Variants in SLC25A43 observed in about 807,000 individuals in gnomAD.
The protein encoded by SLC25A43 is solute carrier family 25 member 43.
SLC25A43 carries 10 observed loss-of-function variants against 22.8 expected under a neutral mutation model. The observed-to-expected ratio is 0.44, with a 90% CI of 0.27 to 0.74. The LOEUF is 0.74. Among genes scored for constraint, SLC25A43 ranks in the 30% least tolerant of loss-of-function variants. The pLI is 0.17. For missense variants in SLC25A43, 233 were observed against 279.1 expected, an observed-to-expected ratio of 0.83 and a Z score of 1.18; for synonymous variants, 106 against 121.6, an observed-to-expected ratio of 0.87 and a Z score of 0.84.
chrX:119,430,235 CT>C (rs928270788), intron 3 of SLC25A43, among the ~76,000 whole-genome samples: 4 of 112,542 alleles, frequency 3.6e-5, no homozygotes, highest in African/African-American at 1.3e-4. Context: ...CTTCAGCATA[CT>C]TGTCTTTCTT....
chrX:119,410,471 C>T, intron 3 of SLC25A43, 109 bp downstream of exon 3: 1 of 833,879 alleles, frequency 1.2e-6, no homozygotes, highest in Admixed American at 2.7e-5. Context: ...TTCCAAGGAG[C>T]TTCTGACTGC....
intron 3 of SLC25A43, among the ~76,000 whole-genome samples, chrX:119,417,708 C>T (rs182541776): frequency 1.4e-3 from 148 of 107,792 alleles, no homozygotes; most frequent in Non-Finnish European, 2.4e-3. Context: ...TGGGAGCCTT[C>T]CAAATAATGC....
intron 1 of SLC25A43, 35 bp downstream of exon 1, chrX:119,399,713 C>T (rs1409967495): frequency 4.6e-5 from 29 of 630,434 alleles, no homozygotes; most frequent in Non-Finnish European, 5.4e-5. Context: ...ACCGGGAGAC[C>T]GGACGGGGGT....
Position 119,406,602 on chromosome X carries a change from C to T in SLC25A43, c.418C>T (p.Leu140=), listed in dbSNP as rs1201156241. Residue 140 remains leucine (L), a synonymous_variant, in exon 2 of 5, where the codon CTG becomes TTG. Transcript: ENST00000217909. ...IKTRLIMQNI[L]EPSYRGLLHA... ...AACCCGGTTGATCATGCAGAACATA[C>T]TGGAACCATCGTACAGGGGGCTCCT... 1 of 1,211,932 alleles carries T rather than the reference C, an allele frequency of 8.3e-7. No homozygotes were observed. Among genetic ancestry groups the T allele is most frequent in the Non-Finnish European group, 1.1e-6 (1 of 895,497 alleles).
chrX:119,447,638 C>T (rs1026402770), intron 3 of SLC25A43, among the ~76,000 whole-genome samples: 1 of 111,063 alleles, frequency 9.0e-6, no homozygotes, highest in Admixed American at 9.6e-5. Context: ...AACCAGTGAC[C>T]TCCATGTGTT....
At chrX:119,452,498 A>AC (rs1380701473) in intron 4 of SLC25A43, among the ~76,000 whole-genome samples, 19 of 110,909 alleles carry the variant, frequency 1.7e-4, no homozygotes, top group Non-Finnish European at 3.6e-4. Flanking sequence ...ATGACAAAAA[A>AC]AAAAAAAAAC....
intron 1 of SLC25A43, among the ~76,000 whole-genome samples, chrX:119,402,620 T>A (rs2052248808): frequency 8.9e-6 from 1 of 111,887 alleles, no homozygotes; most frequent in South Asian, 3.7e-4. Context: ...TAATTACACA[T>A]ATCCAGGGTG....
intron 3 of SLC25A43, among the ~76,000 whole-genome samples, chrX:119,446,683 C>T (rs187071213): frequency 2.7e-5 from 3 of 112,360 alleles, no homozygotes; most frequent in African/African-American, 9.7e-5. Flanking sequence ...ATAACTCATG[C>T]ATAAAATTAT....
chrX:119,448,735 C>T (rs750488417), intron 3 of SLC25A43, among the ~76,000 whole-genome samples: 1 of 111,986 alleles, frequency 8.9e-6, no homozygotes, highest in South Asian at 3.7e-4. Context: ...GAGCACTCAC[C>T]TCCTCTTAGT....
Position 119,421,265 on chromosome X carries a change from T to C in SLC25A43, c.690+10903T>C, listed in dbSNP as rs745307858. 9.9e-5 allele frequency among the ~76,000 whole-genome samples: 11 copies of C among 111,654 alleles called. No individual in the cohort carries two copies. The South Asian group carries it at 3.8e-3, about 38-fold the overall frequency. On this transcript the variant is annotated intron_variant, in intron 3 of 4. Transcript: ENST00000217909. The stretch of plus-strand genomic sequence containing the variant: ...GACAGAAAGGAAGAAAGAGAGCCAG[T>C]AGAGGCTGTGGCCAGTTCCTCCTCT...
intron 3 of SLC25A43, among the ~76,000 whole-genome samples, chrX:119,427,812 G>T (rs763311859): frequency 8.9e-6 from 1 of 111,962 alleles, no homozygotes; most frequent in South Asian, 3.7e-4. Flanking sequence ...GCTCCAGCTC[G>T]AAGACTCTTT....
chrX:119,414,476 C>T (rs1304512649), intron 3 of SLC25A43, among the ~76,000 whole-genome samples: 1 of 110,865 alleles, frequency 9.0e-6, no homozygotes, highest in Non-Finnish European at 1.9e-5. Context: ...TTTCTCCTGC[C>T]TCAGCCTCCC....
intron 3 of SLC25A43, chrX:119,434,539 C>G (rs1389810401): frequency 9.3e-6 from 1 of 107,889 alleles, no homozygotes; most frequent in African/African-American, 3.4e-5. Flanking sequence ...GTGGTGCATG[C>G]CTGTGGTCCC....
chrX:119,433,978 C>T (rs139494644), intron 3 of SLC25A43, among the ~76,000 whole-genome samples: 1,250 of 111,822 alleles, frequency 0.011, 8 homozygotes, highest in Admixed American at 0.023. Flanking sequence ...CTGATTAAAT[C>T]GCTCTGACTG....
chrX:119,412,699 T>C (rs2052361190), intron 3 of SLC25A43, among the ~76,000 whole-genome samples: 1 of 112,416 alleles, frequency 8.9e-6, no homozygotes, highest in Admixed American at 9.4e-5. Flanking sequence ...TAGTGCTATT[T>C]ATGTGTTGTT....
intron 3 of SLC25A43, among the ~76,000 whole-genome samples, chrX:119,420,720 G>A (rs1285947099): frequency 8.9e-6 from 1 of 111,915 alleles, no homozygotes; most frequent in Non-Finnish European, 1.9e-5. Flanking sequence ...CTTTATATAA[G>A]AAGTTACAAA....
In SLC25A43 at chrX:119,399,691, C is replaced by A; in HGVS notation, c.275+13C>A. The A allele has an allele frequency of 1.4e-6, 1 of 719,467 alleles. No homozygotes were observed. 59.3% of individuals were successfully genotyped at this position (719,467 alleles called of 1,213,427 possible). ...CCGCCTACCGCAAGTAAGAGCCGGG[C>A]GGGGCCGGGGAACCGGGAGACCGGA... On this transcript the variant is annotated intron_variant, in intron 1 of 4. Transcript: ENST00000217909.
chrX:119,399,675 G>T lies in SLC25A43; in HGVS notation c.272G>T (p.Arg91Leu). 3 of 980,611 alleles carry T rather than the reference G, an allele frequency of 3.1e-6. No individual in the cohort carries two copies. Among genetic ancestry groups the T allele is most frequent in the Non-Finnish European group, 3.8e-6 (3 of 782,880 alleles). 80.8% of individuals were successfully genotyped at this position (980,611 alleles called of 1,213,427 possible). A position where few individuals can be genotyped will look rare whatever the true frequency, so the allele number is the denominator to read the frequency against. The change falls in exon 1 of 5, where the codon CGC (arginine) becomes CTC (leucine). Residue 91 changes from arginine to leucine, a missense_variant. Physicochemically the swap from Arg to Leu is moderately radical, Grantham distance 102. Coordinates refer to ENST00000217909, the MANE Select transcript of SLC25A43 (RefSeq NM_145305.3). ...AGCGCCGTGCAGCTCGCCGCCTACCGCAAGTAAGAGCCGGGCGGGGCCGGG... is the reference window on the plus strand; with the variant it reads ...AGCGCCGTGCAGCTCGCCGCCTACCTCAAGTAAGAGCCGGGCGGGGCCGGG... The part of the protein sequence containing the change: ...PCSAVQLAAY[R>L]KFVVLFTDDL...
intron 3 of SLC25A43, among the ~76,000 whole-genome samples, chrX:119,410,613 GGCGGT>G (rs890642167): frequency 1.8e-5 from 2 of 111,673 alleles, no homozygotes; most frequent in African/African-American, 6.5e-5. Context: ...CCAGGCTAGG[GGCGGT>G]GATTCACGCC....
Sources: allele counts gnomAD v4.1 joint callset (sites outside exome capture counted in the v4.1 genomes callset), GRCh38; gene constraint gnomAD v4.1.1; transcripts MANE v1.5; gene names NCBI Gene and HGNC (gene_info 2026-07-23, HGNC 2026-07-21).